Variants in CDC73 observed in about 807,000 individuals in gnomAD.
CDC73 encodes parafibromin.
A neutral mutation model predicts 83.7 loss-of-function variants in CDC73; 21 were observed. The ratio of observed to expected loss-of-function variants is 0.25; its 90% CI spans 0.18 to 0.36. The LOEUF is 0.36. Ranked by LOEUF, CDC73 falls within the 10% of genes least tolerant of loss-of-function variation. CDC73 has a pLI of 1.00. For missense variants in CDC73, 342 were observed against 653.3 expected (o/e 0.52, Z 5.19); for synonymous variants, 224 against 212.9 (o/e 1.05, Z -0.45).
At chr1:193,177,548 G>T (rs1023997981) in intron 10 of CDC73, among the ~76,000 whole-genome samples, 1 of 140,706 alleles carries the variant, frequency 7.1e-6, no homozygotes, top group Non-Finnish European at 1.6e-5. Context: ...AAAAAAAAAA[G>T]AACATGATCC....
intron 8 of CDC73, among the ~76,000 whole-genome samples, chr1:193,149,518 T>G (rs142025669): frequency 1.3e-5 from 2 of 152,218 alleles, no homozygotes; most frequent in Admixed American, 6.5e-5. Context: ...TTGTGACTGA[T>G]TATTCTTTCT....
chr1:193,175,540 T>C (rs905357118), intron 10 of CDC73, among the ~76,000 whole-genome samples: 1 of 152,232 alleles, frequency 6.6e-6, no homozygotes, highest in Non-Finnish European at 1.5e-5. Context: ...ATCGAAAATA[T>C]TAAAAACAAA....
chr1:193,147,761 TGTA>T, intron 7 of CDC73, 103 bp from the exon 8 acceptor site: 1 of 729,216 alleles, frequency 1.4e-6, no homozygotes, highest in Non-Finnish European at 2.5e-6. Flanking sequence ...TTATGACATA[TGTA>T]GTAGGGAAGA....
intron 15 of CDC73, among the ~76,000 whole-genome samples, chr1:193,240,950 T>C (rs1677846515): frequency 1.3e-5 from 2 of 152,236 alleles, no homozygotes; most frequent in African/African-American, 4.8e-5. Context: ...TGTTCTCTTG[T>C]ATTCCACTCA....
chr1:193,126,288 T>G (rs1675571856), intron 2 of CDC73, among the ~76,000 whole-genome samples: 1 of 152,218 alleles, frequency 6.6e-6, no homozygotes, highest in Non-Finnish European at 1.5e-5. Flanking sequence ...GTTTTAGTAC[T>G]CTGGAGAAGT....
chr1:193,206,363 C>A (rs1177411432), intron 11 of CDC73, among the ~76,000 whole-genome samples: 1 of 152,208 alleles, frequency 6.6e-6, no homozygotes, highest in Non-Finnish European at 1.5e-5. Flanking sequence ...TTCCACTTAA[C>A]TGCTTCACAC....
At chr1:193,218,612 C>G (rs1677410787) in intron 13 of CDC73, among the ~76,000 whole-genome samples, 1 of 152,164 alleles carries the variant, frequency 6.6e-6, no homozygotes. Context: ...TAAAGCTGCC[C>G]AGCAGCAACC....
At chr1:193,191,900 C>T (rs986622369) in intron 10 of CDC73, among the ~76,000 whole-genome samples, 5 of 152,014 alleles carry the variant, frequency 3.3e-5, no homozygotes, top group African/African-American at 1.2e-4. Flanking sequence ...TGGGTCAGCA[C>T]CTTTGAATAA....
rs1221981243 is a variant in CDC73, at chr1:193,190,849, G to T, written c.973-12946G>T. 3.9e-5 allele frequency among the ~76,000 whole-genome samples: 6 copies of T among 152,180 alleles called. No individual in the cohort carries two copies. In the East Asian group the frequency reaches 7.7e-4, roughly 20 times the overall value. ...AGCTGTGGTTCTCAAGGGGGCAGTG[G>T]TAGGGGTAGTACTGATTTCTACGAG... On this transcript the variant is annotated intron_variant, in intron 10 of 16. Transcript: ENST00000367435.
At chr1:193,139,677 T>C (rs1675869117) in intron 6 of CDC73, among the ~76,000 whole-genome samples, 1 of 152,248 alleles carries the variant, frequency 6.6e-6, no homozygotes, top group Non-Finnish European at 1.5e-5. Context: ...GATATTGTTA[T>C]ATCTCCCCAC....
Position 193,162,150 on chromosome 1 carries a change from T to TTATA in CDC73, c.972+9709_972+9710insATAT, listed in dbSNP as rs1676337218. 1.7e-3 allele frequency among the ~76,000 whole-genome samples: 58 copies of TTATA among 33,416 alleles called. 6 individuals carry two copies. Among genetic ancestry groups the TTATA allele is most frequent in the South Asian group, 5.1e-3 (4 of 784 alleles). 21.9% of individuals were successfully genotyped at this position (33,416 alleles called of 152,430 possible). The stretch of plus-strand genomic sequence containing the variant: ...TATTGTATATAATATATATTATATA[T>TTATA]TATCTATTATATTGTATATAATATA... On this transcript the variant is annotated intron_variant, in intron 10 of 16. Transcript: ENST00000367435.
intron 13 of CDC73, among the ~76,000 whole-genome samples, chr1:193,221,460 T>C (rs1025717890): frequency 2.0e-5 from 3 of 152,320 alleles, no homozygotes; most frequent in African/African-American, 7.2e-5. Flanking sequence ...TTTGGTGTTA[T>C]CCAATCTCAC....
chr1:193,229,328 C>T (rs1192930080), intron 13 of CDC73, among the ~76,000 whole-genome samples: 1 of 152,232 alleles, frequency 6.6e-6, no homozygotes, highest in Non-Finnish European at 1.5e-5. Context: ...GTATACTGAA[C>T]ATTTGTGTCC....
chr1:193,145,374 A>G (rs970258943), intron 7 of CDC73, among the ~76,000 whole-genome samples: 1 of 152,174 alleles, frequency 6.6e-6, no homozygotes, highest in Non-Finnish European at 1.5e-5. Context: ...GTATTCTTTG[A>G]CCAAATAAGA....
chr1:193,177,219 T>C lies in CDC73; in HGVS notation c.972+24775T>C, dbSNP rs139313128. Reference sequence around the variant, plus strand: ...TATGTGAAATAATAGCAGAACAGTGTAATGATTAAGAACATGATCCTCGGC... The same window carrying C: ...TATGTGAAATAATAGCAGAACAGTGCAATGATTAAGAACATGATCCTCGGC... On this transcript the variant is annotated intron_variant, in intron 10 of 16. Transcript: ENST00000367435. Among the ~76,000 whole-genome samples the C allele has an allele frequency of 2.1e-3, 311 of 151,684 alleles. 2 individuals are homozygous for C. Among genetic ancestry groups the C allele is most frequent in the African/African-American group, 7.0e-3 (291 of 41,334 alleles).
intron 2 of CDC73, among the ~76,000 whole-genome samples, 157 bp from the exon 3 acceptor site, chr1:193,130,017 A>G (rs1337525038): frequency 6.6e-6 from 1 of 152,220 alleles, no homozygotes; most frequent in African/African-American, 2.4e-5. Flanking sequence ...CAGGATTTTT[A>G]TTAGGTTCTT....
At chr1:193,187,840 AG>A (rs909667830) in intron 10 of CDC73, among the ~76,000 whole-genome samples, 12 of 152,170 alleles carry the variant, frequency 7.9e-5, no homozygotes, top group Non-Finnish European at 1.3e-4. Context: ...AAGAAAAAAA[AG>A]AATTTTATAA....
chr1:193,180,682 CT>C, intron 10 of CDC73: 1 of 1,614,002 alleles, frequency 6.2e-7, no homozygotes, highest in Non-Finnish European at 8.5e-7. Flanking sequence ...GTACCACTTG[CT>C]ATCTTTGTTT....
chr1:193,207,105 G>T lies in CDC73; in HGVS notation c.1030+3253G>T, dbSNP rs143957830. 2.6e-3 allele frequency among the ~76,000 whole-genome samples: 396 copies of T among 152,230 alleles called. 1 individual carries two copies. Among genetic ancestry groups the T allele is most frequent in the African/African-American group, 8.9e-3 (369 of 41,538 alleles). On this transcript the variant is annotated intron_variant, in intron 11 of 16. Transcript: ENST00000367435. ...ACAAAGAGAGGAATTTTACAGCTGG[G>T]CCTCCAGGGGTAACATCACATATTG...
Sources: allele counts gnomAD v4.1 joint callset (sites outside exome capture counted in the v4.1 genomes callset), GRCh38; gene constraint gnomAD v4.1.1; transcripts MANE v1.5; gene names NCBI Gene and HGNC (gene_info 2026-07-23, HGNC 2026-07-21).